The following MESP2 variants were observed in gnomAD, a reference collection of about 807,000 sequenced individuals.
MESP2 encodes mesoderm posterior protein 2.
MESP2 carries 34 observed loss-of-function variants against 37.8 expected under a neutral mutation model. The ratio of observed to expected loss-of-function variants is 0.90; its 90% confidence interval spans 0.68 to 1.20. MESP2 has a LOEUF of 1.20. Ranked by LOEUF, MESP2 falls within the 50% of genes most tolerant of loss-of-function variation. The probability of loss-of-function intolerance (pLI) is 0.00; values close to 1 mark genes in which losing one functional copy is unlikely to be tolerated. For missense variants in MESP2, 646 were observed against 545.3 expected, an observed-to-expected ratio of 1.18 and a Z score of -1.84; for synonymous variants, 303 against 251.6, an observed-to-expected ratio of 1.20 and a Z score of -1.93.
In MESP2 at chr15:89,778,052, A is replaced by G. The variant is rs758552055; in HGVS notation, c.925-13A>G. The G allele has an allele frequency of 6.2e-7, 1 of 1,612,588 alleles. No homozygotes were observed. Among genetic ancestry groups the G allele is most frequent in the African/African-American group, 1.3e-5 (1 of 74,862 alleles). On this transcript the variant is annotated splice_polypyrimidine_tract_variant and intron_variant, in intron 1 of 1. Coordinates refer to ENST00000341735, the MANE Select transcript of MESP2 (RefSeq NM_001039958.2). The stretch of plus-strand genomic sequence containing the variant: ...GTAGCCCACTAACCAGGCTGCTCTC[A>G]TCTCTCTTGCAGGGTCTCTCTGTGT...
At position 89,778,568 on chromosome 15, in the gene MESP2, A is replaced by C; in HGVS notation, c.*234A>C. 1.7e-6 allele frequency: 1 copy of C among 596,712 alleles called. No individual in the cohort carries two copies. Among genetic ancestry groups the C allele is most frequent in the Non-Finnish European group, 3.0e-6 (1 of 337,390 alleles). 37.0% of individuals were successfully genotyped at this position (596,712 alleles called of 1,614,324 possible). The stretch of plus-strand genomic sequence containing the variant: ...ACCCCCAGAATGCCTGGCGCTCTGC[A>C]GAGCACAGTCTGAGCTGCTCTAAGA... On this transcript the variant is annotated 3_prime_UTR_variant, in exon 2 of 2. Coordinates refer to ENST00000341735, the MANE Select transcript of MESP2 (RefSeq NM_001039958.2).
chr15:89,777,330 A>G, intron 1 of MESP2, 49 bp downstream of exon 1: 1 of 1,557,462 alleles, frequency 6.4e-7, no homozygotes, highest in South Asian at 1.2e-5. Context: ...GTCTGCAGAG[A>G]ATCTCGTACT....
rs752019422 is a variant in MESP2 at position 89,777,136 on chromosome 15, A to G, written c.779A>G (p.Tyr260Cys). The G allele has an allele frequency of 5.0e-6, 8 of 1,613,008 alleles. No homozygotes were observed. Among genetic ancestry groups the G allele is most frequent in the Non-Finnish European group, 6.8e-6 (8 of 1,179,982 alleles). ...PYCPKIQSPP[Y>C]SSQGTTSDAS... ...TGCCCCAAGATACAGTCGCCCCCGTATTCGTCCCAAGGGACAACCTCCGAC... is the reference window on the plus strand; with the variant it reads ...TGCCCCAAGATACAGTCGCCCCCGTGTTCGTCCCAAGGGACAACCTCCGAC... Residue 260 changes from tyrosine to cysteine, a missense_variant, in exon 1 of 2, where the codon TAT (tyrosine) becomes TGT (cysteine). By Grantham distance (194) the Tyr-to-Cys change is radical. Coordinates refer to ENST00000341735, the MANE Select transcript of MESP2 (RefSeq NM_001039958.2).
In MESP2 at chr15:89,776,648, G is replaced by A; in HGVS notation, c.291G>A (p.Leu97=). ...SEREKLRMRT[L]ARALHELRRF... ...GGGAGAAACTGCGCATGCGCACGCT[G>A]GCCCGCGCCCTGCACGAGTTGCGCC... The change falls in exon 1 of 2, where the codon CTG becomes CTA. Residue 97 remains leucine, a synonymous_variant. Transcript: ENST00000341735. 3 of 1,529,454 alleles carry A rather than the reference G, an allele frequency of 2.0e-6. No homozygotes were observed. The highest frequency in any genetic ancestry group is 2.6e-6 in the Non-Finnish European group (3 of 1,144,990). 94.7% of individuals were successfully genotyped at this position (1,529,454 alleles called of 1,614,324 possible).
rs777157750 is a variant in MESP2 at position 89,776,491 on chromosome 15, G to A, written c.134G>A (p.Cys45Tyr). The A allele has an allele frequency of 3.9e-6, 6 of 1,533,558 alleles. No homozygotes were observed. The South Asian group carries it at 7.2e-5, about 18-fold the overall frequency. 95.0% of individuals were successfully genotyped at this position (1,533,558 alleles called of 1,614,324 possible). A position where few individuals can be genotyped will look rare whatever the true frequency, so the allele number is the denominator to read the frequency against. The change falls in exon 1 of 2, where the codon TGC becomes TAC. Residue 45 changes from cysteine (C) to tyrosine (Y), a missense_variant. Physicochemically the swap from Cys to Tyr is radical, Grantham distance 194 (BLOSUM62 -2). Transcript: ENST00000341735. ...TCCGATTCGTCGGGTTCGTGCCCCT[G>A]CGACGGCGCCCGCGGACTCCCGCAG... Reference protein sequence around the residue: ...SSSDSSGSCPCDGARGLPQPQ... With the variant: ...SSSDSSGSCPYDGARGLPQPQ...
rs778314696 is a variant in MESP2, at chr15:89,776,891, GGGGCAGGGGCAAGGGCAGGGGC to G, written c.535_556del (p.Gly179ArgfsTer295). 230 of 490,928 alleles carry G rather than the reference GGGGCAGGGGCAAGGGCAGGGGC, an allele frequency of 4.7e-4. 1 individual carries two copies. The highest frequency in any genetic ancestry group is 2.9e-3 in the East Asian group (4 of 1,362). The allele number at this position is 490,928 out of a possible 1,614,324, so 30.4% of individuals were successfully genotyped here. A position where few individuals can be genotyped will look rare whatever the true frequency, so the allele number is the denominator to read the frequency against. On this transcript the variant is annotated frameshift_variant, in exon 1 of 2. Coordinates refer to ENST00000341735, the MANE Select transcript of MESP2 (RefSeq NM_001039958.2). LOFTEE classifies it high-confidence loss of function. ...CCGCAGAGGCGCAGACGCAGGCGGA[GGGGCAGGGGCAAGGGCAGGGGC>G]AGGGGCAGGGGCAAGGGCAGGGGCA...
chr15:89,776,368 CGCCTCCTCCGCAGA>C lies in MESP2; in HGVS notation c.20_33del (p.Pro7ArgfsTer355), dbSNP rs2141773765. On this transcript the variant is annotated frameshift_variant, in exon 1 of 2. Transcript: ENST00000341735. LOFTEE classifies it high-confidence loss of function. The stretch of plus-strand genomic sequence containing the variant: ...GCCTGCAGCCCGGCCATGGCCCAGT[CGCCTCCTCCGCAGA>C]GCCTCCTCGGCCACGACCACTGGAT... 6.5e-7 allele frequency: 1 copy of C among 1,532,122 alleles called. No homozygotes were observed. The highest frequency in any genetic ancestry group is 8.7e-7 in the Non-Finnish European group (1 of 1,145,994). 94.9% of individuals were successfully genotyped at this position (1,532,122 alleles called of 1,614,324 possible). A position where few individuals can be genotyped will look rare whatever the true frequency, so the allele number is the denominator to read the frequency against.
Position 89,778,168 on chromosome 15 carries a change from G to A in MESP2, c.1028G>A (p.Trp343Ter). ...RLQPQTPGRC[W>*]SHSAEVVPNS... Reference sequence around the variant, plus strand: ...CAGCCTCAGACCCCCGGGAGGTGCTGGAGCCACAGTGCAGAGGTGGTGCCC... The same window carrying A: ...CAGCCTCAGACCCCCGGGAGGTGCTAGAGCCACAGTGCAGAGGTGGTGCCC... Residue 343 changes from tryptophan to a stop codon, truncating the protein, a stop_gained, in exon 2 of 2, where the codon TGG becomes TAG. Transcript: ENST00000341735. LOFTEE classifies it high-confidence loss of function. The A allele has an allele frequency of 6.2e-7, 1 of 1,613,762 alleles. No individual in the cohort carries two copies. The highest frequency in any genetic ancestry group is 8.5e-7 in the Non-Finnish European group (1 of 1,180,020).
In MESP2 at chr15:89,778,544, C is replaced by A; in HGVS notation, c.*210C>A. ...GGGCACTGTCCTCCACTGCTAGACA[C>A]CCCCAGAATGCCTGGCGCTCTGCAG... On this transcript the variant is annotated 3_prime_UTR_variant, in exon 2 of 2. Coordinates refer to ENST00000341735, the MANE Select transcript of MESP2 (RefSeq NM_001039958.2). 2 of 642,382 alleles carry A rather than the reference C, an allele frequency of 3.1e-6. No homozygotes were observed. The highest frequency in any genetic ancestry group is 2.6e-5 in the Admixed American group (1 of 38,466). 39.8% of individuals were successfully genotyped at this position (642,382 alleles called of 1,614,324 possible).
rs1968386596 is a variant in MESP2, at chr15:89,777,402, C to T, written c.924+121C>T. 4 of 1,175,572 alleles carry T rather than the reference C, an allele frequency of 3.4e-6. No individual in the cohort carries two copies. In the East Asian group the frequency reaches 1.0e-4, roughly 31 times the overall value. The allele number at this position is 1,175,572 out of a possible 1,614,324, so 72.8% of individuals were successfully genotyped here. ...ACGGAGGGGAGAATGGAAGGAACCCCCGGCTCCGTGGGAGAAGAGATGGGA... is the reference window on the plus strand; with the variant it reads ...ACGGAGGGGAGAATGGAAGGAACCCTCGGCTCCGTGGGAGAAGAGATGGGA... On this transcript the variant is annotated intron_variant, in intron 1 of 1. Coordinates refer to ENST00000341735, the MANE Select transcript of MESP2 (RefSeq NM_001039958.2).
chr15:89,776,634 C>A lies in MESP2; in HGVS notation c.277C>A (p.Arg93Ser), dbSNP rs1352016149. 19 of 1,523,256 alleles carry A rather than the reference C, an allele frequency of 1.2e-5. No individual in the cohort carries two copies. The highest frequency in any genetic ancestry group is 1.7e-5 in the Non-Finnish European group (19 of 1,142,476). The allele number at this position is 1,523,256 out of a possible 1,614,324, so 94.4% of individuals were successfully genotyped here. The change falls in exon 1 of 2, where the codon CGC becomes AGC. Residue 93 changes from arginine to serine, a missense_variant. Transcript: ENST00000341735. ...RQSASEREKL[R>S]MRTLARALHE... ...GAGCGCCAGCGAGCGGGAGAAACTG[C>A]GCATGCGCACGCTGGCCCGCGCCCT...
At position 89,776,366 on chromosome 15, in the gene MESP2, G is replaced by C. The variant is rs1421909108; in HGVS notation, c.9G>C (p.Gln3His). ...GAGCCTGCAGCCCGGCCATGGCCCA[G>C]TCGCCTCCTCCGCAGAGCCTCCTCG... MA[Q>H]SPPPQSLLGH... is the part of the protein sequence containing the mutation. Residue 3 changes from glutamine to histidine, a missense_variant, in exon 1 of 2, where the codon CAG becomes CAC. Transcript: ENST00000341735. The C allele has an allele frequency of 3.3e-6, 5 of 1,531,838 alleles. No individual in the cohort carries two copies. The highest frequency in any genetic ancestry group is 4.4e-6 in the Non-Finnish European group (5 of 1,145,890). 94.9% of individuals were successfully genotyped at this position (1,531,838 alleles called of 1,614,324 possible).
Position 89,776,589 on chromosome 15 carries a change from C to CCAGCGGGCGGA in MESP2, c.239_249dup (p.Gln84AlafsTer40). The stretch of plus-strand genomic sequence containing the variant: ...GACGCCCAGACGAGCGCGCACCGGA[C>CCAGCGGGCGGA]CAGCGGGCGGACAGCGGCAGAGCGC... On this transcript the variant is annotated frameshift_variant, in exon 1 of 2. Coordinates refer to ENST00000341735, the MANE Select transcript of MESP2 (RefSeq NM_001039958.2). LOFTEE classifies it high-confidence loss of function. The CCAGCGGGCGGA allele has an allele frequency of 6.5e-7, 1 of 1,527,566 alleles. No individual in the cohort carries two copies. Among genetic ancestry groups the CCAGCGGGCGGA allele is most frequent in the Non-Finnish European group, 8.7e-7 (1 of 1,143,696 alleles). The allele number at this position is 1,527,566 out of a possible 1,614,324, so 94.6% of individuals were successfully genotyped here.
At position 89,776,462 on chromosome 15, in the gene MESP2, C is replaced by G. The variant is rs1357497493; in HGVS notation, c.105C>G (p.Ser35=). ...ACTGGGACTCCACGTCCCCGGCCTC[C>G]TCCTCCGATTCGTCGGGTTCGTGCC... ...AGHWDSTSPA[S]SSDSSGSCPC... Residue 35 remains serine (S), a synonymous_variant, in exon 1 of 2, where the codon TCC becomes TCG. Coordinates refer to ENST00000341735, the MANE Select transcript of MESP2 (RefSeq NM_001039958.2). The G allele has an allele frequency of 6.5e-7, 1 of 1,534,554 alleles. No homozygotes were observed. The highest frequency in any genetic ancestry group is 2.0e-5 in the Admixed American group (1 of 50,934).
Position 89,776,817 on chromosome 15 carries a change from G to A in MESP2, c.460G>A (p.Gly154Arg). Residue 154 changes from glycine (G) to arginine (R), a missense_variant, in exon 1 of 2, where the codon GGG becomes AGG. By Grantham distance (125) the Gly-to-Arg change is moderately radical (BLOSUM62 -2). Transcript: ENST00000341735. ...TCTGCAGTGCCGGCGCAGGCAGCGC[G>A]GGGACGCGGGGTCCCCTTGGGGCTG... ...ESLQCRRRQR[G>R]DAGSPWGCPL... 1 of 1,464,812 alleles carries A rather than the reference G, an allele frequency of 6.8e-7. No homozygotes were observed. Among genetic ancestry groups the A allele is most frequent in the Middle Eastern group, 2.0e-4 (1 of 4,896 alleles). The allele number at this position is 1,464,812 out of a possible 1,614,324, so 90.7% of individuals were successfully genotyped here.
rs747732638 is a variant in MESP2, at chr15:89,778,113, C to A, written c.973C>A (p.Leu325Ile). The A allele has an allele frequency of 8.1e-6, 13 of 1,613,822 alleles. No homozygotes were observed. In the East Asian group the frequency reaches 2.0e-4, roughly 25 times the overall value. The part of the protein sequence containing the change: ...EPCLSLGAPS[L>I]LPHPSCQRLQ... ...CTGTCTGTCGCTGGGAGCTCCATCT[C>A]TCCTGCCCCACCCATCATGCCAGAG... The change falls in exon 2 of 2, where the codon CTC becomes ATC. Residue 325 changes from leucine to isoleucine, a missense_variant. Leu to Ile is a conservative substitution (Grantham distance 5). Coordinates refer to ENST00000341735, the MANE Select transcript of MESP2 (RefSeq NM_001039958.2).
Position 89,777,147 on chromosome 15 carries a change from G to A in MESP2, c.790G>A (p.Gly264Arg). The A allele has an allele frequency of 6.2e-7, 1 of 1,613,002 alleles. No homozygotes were observed. ...KIQSPPYSSQ[G>R]TTSDASLWTP... is the part of the protein sequence containing the mutation. ...ACAGTCGCCCCCGTATTCGTCCCAAGGGACAACCTCCGACGCGTCTCTTTG... is the reference window on the plus strand; with the variant it reads ...ACAGTCGCCCCCGTATTCGTCCCAAAGGACAACCTCCGACGCGTCTCTTTG... Residue 264 changes from glycine to arginine, a missense_variant, in exon 1 of 2, where the codon GGG becomes AGG. Physicochemically the swap from Gly to Arg is moderately radical, Grantham distance 125 (BLOSUM62 -2). Transcript: ENST00000341735.
chr15:89,777,319 A>G, intron 1 of MESP2, 38 bp downstream of exon 1: 1 of 1,580,566 alleles, frequency 6.3e-7, no homozygotes, highest in Non-Finnish European at 8.6e-7. Context: ...CCCAGCCTCC[A>G]GTCTGCAGAG....
Position 89,778,457 on chromosome 15 carries a change from C to G in MESP2, c.*123C>G. On this transcript the variant is annotated 3_prime_UTR_variant, in exon 2 of 2. Coordinates refer to ENST00000341735, the MANE Select transcript of MESP2 (RefSeq NM_001039958.2). ...AAGGCTCCCTTTTTCCAAGTGATGT[C>G]TTTCAGGGAAGCAGTGTTTGAAATA... 1 of 1,285,454 alleles carries G rather than the reference C, an allele frequency of 7.8e-7. No individual in the cohort carries two copies. The highest frequency in any genetic ancestry group is 1.1e-6 in the Non-Finnish European group (1 of 905,292). The allele number at this position is 1,285,454 out of a possible 1,614,324, so 79.6% of individuals were successfully genotyped here.
Sources: allele counts gnomAD v4.1 joint callset, GRCh38; gene constraint gnomAD v4.1.1; transcripts MANE v1.5; gene names NCBI Gene and HGNC (gene_info 2026-07-23, HGNC 2026-07-21).